The following LYSMD2 variants were observed in gnomAD, a reference collection of about 807,000 sequenced individuals.
LYSMD2 encodes LysM domain containing 2.
A neutral mutation model predicts 17.7 loss-of-function variants in LYSMD2; 6 were observed. The ratio of observed to expected loss-of-function variants is 0.34; its 90% CI spans 0.19 to 0.67. LYSMD2 has a LOEUF of 0.67. LYSMD2 is among the 30% of genes least tolerant of loss of function. The pLI is 0.69. For synonymous variants in LYSMD2, 102 were observed against 129.8 expected (o/e 0.79, Z 1.45); for missense variants, 237 against 286.7 (o/e 0.83, Z 1.25).
At chr15:51,734,780 CCTAATTTGCTCAACTTCTTTCTGTTCA>C (rs1567228945) in intron 1 of LYSMD2, among the ~76,000 whole-genome samples, 4 of 152,196 alleles carry the variant, frequency 2.6e-5, no homozygotes, top group Non-Finnish European at 5.9e-5. Flanking sequence ...ACAACAGAAA[CCTAATTTGCTCAACTTCTTTCTGTTCA>C]GTCAGAAGAA....
At chr15:51,745,503 G>A (rs115138538) in intron 1 of LYSMD2, among the ~76,000 whole-genome samples, 167 of 152,118 alleles carry the variant, frequency 1.1e-3, no homozygotes, top group African/African-American at 3.6e-3. Flanking sequence ...CAACCCACAG[G>A]ACCCTCTCAA....
At chr15:51,740,124 AT>A (rs1435280393), upstream of LYSMD2, among the ~76,000 whole-genome samples, 1 of 151,920 alleles carries the variant, frequency 6.6e-6, no homozygotes, top group Non-Finnish European at 1.5e-5. Context: ...TGCCCGCCTA[AT>A]TTTTTGTATT....
chr15:51,732,710 G>A (rs1209011176), intron 1 of LYSMD2, among the ~76,000 whole-genome samples: 1 of 152,118 alleles, frequency 6.6e-6, no homozygotes, highest in Non-Finnish European at 1.5e-5. Flanking sequence ...CCATCTCTAG[G>A]GGAGAGATAT....
chr15:51,743,894 TG>T (rs1343093285), intron 1 of LYSMD2, among the ~76,000 whole-genome samples: 1 of 152,222 alleles, frequency 6.6e-6, no homozygotes, highest in African/African-American at 2.4e-5. Flanking sequence ...CTAATGTAAG[TG>T]ACATTGTGCT....
rs1361897734 is a variant in LYSMD2 at position 51,737,103 on chromosome 15, G to C, written c.273+247C>G. Among the ~76,000 whole-genome samples, 1 of 152,210 alleles carries C rather than the reference G, an allele frequency of 6.6e-6. No homozygotes were observed. Among genetic ancestry groups the C allele is most frequent in the African/African-American group, 2.4e-5 (1 of 41,454 alleles). ...ACCGGGAACTCGATGCAGCTACCTA[G>C]GGAGGGAGCCCTGGCGGTCCGCCCC... On this transcript the variant is annotated intron_variant, in intron 1 of 2. Coordinates refer to ENST00000267838, the MANE Select transcript of LYSMD2 (RefSeq NM_153374.3). The surrounding 1 kb of genome is among the most constrained non-coding windows in gnomAD (Gnocchi z 4.2).
intron 1 of LYSMD2, among the ~76,000 whole-genome samples, chr15:51,744,585 GA>G (rs1364732450): frequency 6.6e-6 from 1 of 152,060 alleles, no homozygotes; most frequent in Non-Finnish European, 1.5e-5. Context: ...GTATTCATGA[GA>G]GATATTGGCC....
At chr15:51,727,781 G>A (rs1313981571) in intron 1 of LYSMD2, among the ~76,000 whole-genome samples, 1 of 152,158 alleles carries the variant, frequency 6.6e-6, no homozygotes, top group Non-Finnish European at 1.5e-5. Flanking sequence ...TAAAGTCAGG[G>A]GCTCCACTGT....
chr15:51,728,988 C>T (rs1194152140), intron 1 of LYSMD2, among the ~76,000 whole-genome samples: 2 of 152,194 alleles, frequency 1.3e-5, no homozygotes, highest in South Asian at 2.1e-4. Flanking sequence ...TCACAAAAGG[C>T]TTTGAATAGG....
intron 1 of LYSMD2, among the ~76,000 whole-genome samples, chr15:51,731,977 A>C (rs1487473021): frequency 6.6e-6 from 1 of 152,118 alleles, no homozygotes; most frequent in Non-Finnish European, 1.5e-5. Flanking sequence ...CGGTTACTCA[A>C]CCCACCCCAA....
chr15:51,725,629 C>T (rs1029767042), intron 1 of LYSMD2, among the ~76,000 whole-genome samples: 1 of 152,056 alleles, frequency 6.6e-6, no homozygotes, highest in Non-Finnish European at 1.5e-5. Flanking sequence ...TACCATCTAC[C>T]TTTCACAGGG....
chr15:51,737,324 G>T lies in LYSMD2; in HGVS notation c.273+26C>A. ...CCTCCTGCGCGGTAGCTGCCAGCCC[G>T]GGCCGCGGCGGCGCGCCCTGCTCAC... On this transcript the variant is annotated intron_variant, in intron 1 of 2. Coordinates refer to ENST00000267838, the MANE Select transcript of LYSMD2 (RefSeq NM_153374.3). The surrounding 1 kb of genome is among the most constrained non-coding windows in gnomAD (Gnocchi z 4.2). 9.0e-7 allele frequency: 1 copy of T among 1,116,028 alleles called. No homozygotes were observed. The highest frequency in any genetic ancestry group is 2.2e-5 in the South Asian group (1 of 45,918). 69.1% of individuals were successfully genotyped at this position (1,116,028 alleles called of 1,614,324 possible). A position where few individuals can be genotyped will look rare whatever the true frequency, so the allele number is the denominator to read the frequency against.
At chr15:51,748,261 C>CAAAAAAAAAAAAAAAAAAAAAAAAA (rs10556304) in intron 1 of LYSMD2, among the ~76,000 whole-genome samples, 3 of 60,208 alleles carry the variant, frequency 5.0e-5, no homozygotes, top group Non-Finnish European at 9.3e-5. Context: ...GACTCCGTCT[C>CAAAAAAAAAAAAAAAAAAAAAAAAA]AAAAAAAAAA....
chr15:51,724,639 A>AAAGGAAGAAATT, intron 2 of LYSMD2, 151 bp downstream of exon 2: 1 of 510,656 alleles, frequency 2.0e-6, no homozygotes, highest in Non-Finnish European at 3.2e-6. Context: ...AGAAATTAAG[A>AAAGGAAGAAATT]AAGAAAGAAA....
At chr15:51,746,444 TG>T (rs2055667778) in intron 1 of LYSMD2, among the ~76,000 whole-genome samples, 1 of 152,220 alleles carries the variant, frequency 6.6e-6, no homozygotes, top group East Asian at 1.9e-4. Flanking sequence ...TGCCAGAGTC[TG>T]GGTGTGTAGG....
At chr15:51,725,727 A>C (rs1320750917) in intron 1 of LYSMD2, among the ~76,000 whole-genome samples, 1 of 152,132 alleles carries the variant, frequency 6.6e-6, no homozygotes, top group African/African-American at 2.4e-5. Flanking sequence ...ATATATGTAC[A>C]TTCTATACAT....
intron 1 of LYSMD2, among the ~76,000 whole-genome samples, chr15:51,727,829 T>C (rs1266180958): frequency 1.3e-5 from 2 of 152,248 alleles, no homozygotes; most frequent in Non-Finnish European, 2.9e-5. Flanking sequence ...TTAAGATGTA[T>C]GTGGACCTTT....
intron 1 of LYSMD2, among the ~76,000 whole-genome samples, chr15:51,748,117 A>G (rs2055677278): frequency 6.6e-6 from 1 of 152,074 alleles, no homozygotes. Context: ...CTAAAATACA[A>G]AGAATTAGGC....
upstream of LYSMD2, among the ~76,000 whole-genome samples, chr15:51,738,763 A>G (rs2055628621): frequency 6.6e-6 from 1 of 152,180 alleles, no homozygotes; most frequent in Non-Finnish European, 1.5e-5. Flanking sequence ...TGCTCAGGAG[A>G]GAAAGGATGG....
At chr15:51,737,736 C>T, upstream of LYSMD2, 1 of 795,966 alleles carries the variant, frequency 1.3e-6, no homozygotes, top group Non-Finnish European at 1.7e-6. The surrounding 1 kb of genome is among the most constrained non-coding windows in gnomAD (Gnocchi z 4.2). Flanking sequence ...GGCCGTTCCG[C>T]GGGGGCGGCG....
Sources: allele counts gnomAD v4.1 joint callset (sites outside exome capture counted in the v4.1 genomes callset), GRCh38; gene constraint gnomAD v4.1.1; non-coding constraint Gnocchi (gnomAD v3.1); transcripts MANE v1.5; gene names NCBI Gene and HGNC (gene_info 2026-07-23, HGNC 2026-07-21).